CPVL: variants seen among roughly 807,000 people sequenced by gnomAD.
CPVL encodes the protein probable serine carboxypeptidase CPVL.
A neutral mutation model predicts 63.7 loss-of-function variants in CPVL; 51 were observed. The ratio of observed to expected loss-of-function variants is 0.80; its 90% confidence interval spans 0.64 to 1.01. The LOEUF (loss-of-function observed/expected upper bound fraction) is 1.01. Ranked by LOEUF, CPVL falls within the 50% of genes least tolerant of loss-of-function variation. The probability of loss-of-function intolerance (pLI) is 0.00; values close to 1 mark genes in which losing one functional copy is unlikely to be tolerated. For missense variants in CPVL, 530 were observed against 573.1 expected, an observed-to-expected ratio of 0.92 and a Z score of 0.77; for synonymous variants, 195 against 206.0, an observed-to-expected ratio of 0.95 and a Z score of 0.46.
chr7:29,075,738 T>A (rs1784178320), intron 7 of CPVL, among the ~76,000 whole-genome samples: 2 of 91,114 alleles, frequency 2.2e-5, no homozygotes, highest in South Asian at 3.4e-4. Context: ...ACAGTGATGA[T>A]CTTAGCTTTT....
At chr7:29,080,629 G>GGCA (rs1260299043) in intron 7 of CPVL, among the ~76,000 whole-genome samples, 1 of 150,990 alleles carries the variant, frequency 6.6e-6, no homozygotes, top group African/African-American at 2.4e-5. Flanking sequence ...TTTATCTAAA[G>GGCA]GCAGCCATGC....
chr7:29,023,810 C>A (rs781053831), intron 12 of CPVL, among the ~76,000 whole-genome samples: 1 of 152,196 alleles, frequency 6.6e-6, no homozygotes, highest in Non-Finnish European at 1.5e-5. Flanking sequence ...GTGCCCTACA[C>A]AACCAACCCT....
intron 1 of CPVL, among the ~76,000 whole-genome samples, chr7:29,143,460 G>GA (rs1447463169): frequency 1.3e-5 from 2 of 152,008 alleles, no homozygotes; most frequent in African/African-American, 2.4e-5. Flanking sequence ...CAAACACTGG[G>GA]AAAAAATTAG....
chr7:29,186,208 A>G (rs942306659), intron 2 of CPVL, among the ~76,000 whole-genome samples: 8 of 152,002 alleles, frequency 5.3e-5, no homozygotes, highest in African/African-American at 9.7e-5. Context: ...TACAAGTCCT[A>G]TGAGTTCCCC....
chr7:29,162,489 C>G (rs551090184), intron 5 of CPVL, among the ~76,000 whole-genome samples: 1 of 152,040 alleles, frequency 6.6e-6, no homozygotes, highest in South Asian at 2.1e-4. Flanking sequence ...TGGAGAAGCC[C>G]CATCTCTACT....
At chr7:29,175,996 C>T (rs1200371346) in intron 5 of CPVL, among the ~76,000 whole-genome samples, 1 of 152,098 alleles carries the variant, frequency 6.6e-6, no homozygotes, top group African/African-American at 2.4e-5. Context: ...ACCATCCTGA[C>T]TAACACGGTG....
chr7:29,155,504 A>C (rs1794237857), intron 5 of CPVL, among the ~76,000 whole-genome samples: 1 of 152,214 alleles, frequency 6.6e-6, no homozygotes, highest in Non-Finnish European at 1.5e-5. Flanking sequence ...TAACAGAAGA[A>C]TAGAGATGTT....
At chr7:29,194,952 C>A (rs778793197) in intron 1 of CPVL, 42 of 1,575,608 alleles carry the variant, frequency 2.7e-5, no homozygotes, top group Non-Finnish European at 2.7e-5. Context: ...ATGGCAGCGT[C>A]CAGCAACTCC....
intron 1 of CPVL, chr7:29,127,534 T>C (rs554035613): frequency 9.2e-5 from 14 of 152,300 alleles, no homozygotes; most frequent in African/African-American, 2.2e-4. Flanking sequence ...AACTGAGGTG[T>C]CGGGGCTCAC....
intron 5 of CPVL, among the ~76,000 whole-genome samples, chr7:29,177,097 T>C (rs928163271): frequency 7.2e-5 from 11 of 152,250 alleles, no homozygotes; most frequent in African/African-American, 2.4e-4. Flanking sequence ...ATTTTTAGTT[T>C]AGTGAACATT....
At chr7:29,180,839 C>G (rs890321723) in intron 5 of CPVL, among the ~76,000 whole-genome samples, 1 of 152,178 alleles carries the variant, frequency 6.6e-6, no homozygotes, top group Non-Finnish European at 1.5e-5. Flanking sequence ...ATCCGTATAC[C>G]TCTTGGAGTT....
At chr7:29,068,325 TTC>T (rs1464632908) in intron 9 of CPVL, among the ~76,000 whole-genome samples, 1 of 152,160 alleles carries the variant, frequency 6.6e-6, no homozygotes, top group Non-Finnish European at 1.5e-5. Flanking sequence ...TGTATTCATA[TTC>T]TTTTTCAAAC....
At position 29,092,691 on chromosome 7, in the gene CPVL, G is replaced by A. The variant is rs545915125; in HGVS notation, c.474C>T (p.Gly158=). ...CGTGGGTATCATCAGTAAAACTGAA[G>A]CCTGTGCCCACCTGCAGGAGAAATA... ...MLYIDNPVGT[G]FSFTDDTHGY... Residue 158 remains glycine, a synonymous_variant, in exon 6 of 13, where the codon GGC becomes GGT. Transcript: ENST00000265394. The A allele has an allele frequency of 6.2e-7, 1 of 1,613,034 alleles. No homozygotes were observed. Among genetic ancestry groups the A allele is most frequent in the African/African-American group, 1.3e-5 (1 of 75,028 alleles).
intron 12 of CPVL, among the ~76,000 whole-genome samples, chr7:29,023,625 G>T (rs1477047917): frequency 6.6e-6 from 1 of 152,118 alleles, no homozygotes; most frequent in East Asian, 1.9e-4. Context: ...CAGCATACTG[G>T]TGCCAAAGAA....
At chr7:29,035,731 T>G (rs912584654) in intron 11 of CPVL, among the ~76,000 whole-genome samples, 2 of 152,204 alleles carry the variant, frequency 1.3e-5, no homozygotes, top group Non-Finnish European at 2.9e-5. Flanking sequence ...AATGGTTTCA[T>G]GTGGTGCTGT....
intron 12 of CPVL, among the ~76,000 whole-genome samples, chr7:29,016,510 C>T (rs565192707): frequency 9.2e-5 from 14 of 152,280 alleles, no homozygotes; most frequent in African/African-American, 3.1e-4. Flanking sequence ...TTCAGGGTGG[C>T]GTGCTCCTTC....
chr7:29,119,107 T>C (rs1196524336), intron 2 of CPVL, among the ~76,000 whole-genome samples: 3 of 152,252 alleles, frequency 2.0e-5, no homozygotes, highest in Admixed American at 2.0e-4. Context: ...GCTACCTGTC[T>C]ACTGTTTTAT....
upstream of CPVL, among the ~76,000 whole-genome samples, chr7:29,150,322 T>A (rs996155083): frequency 4.6e-5 from 7 of 152,172 alleles, no homozygotes; most frequent in Non-Finnish European, 2.9e-5. Flanking sequence ...AATAAGATAG[T>A]AGTACATATA....
chr7:29,195,111 G>A, exon 1 of CPVL: 1 of 1,069,188 alleles, frequency 9.4e-7, no homozygotes, highest in Non-Finnish European at 1.3e-6. Flanking sequence ...CGGAATGGGG[G>A]CAGGCGTCCG....
Sources: gnomAD v4.1 joint callset for allele counts (sites outside exome capture counted in the v4.1 genomes callset) on GRCh38, gnomAD v4.1.1 for gene constraint, MANE v1.5 for transcripts, NCBI Gene and HGNC (gene_info 2026-07-23, HGNC 2026-07-21) for gene names.